The following ZNF131 variants were observed in gnomAD, a reference collection of about 807,000 sequenced individuals.
The protein encoded by ZNF131 is zinc finger protein 131.
Under a neutral mutation model 60.0 loss-of-function variants are expected in ZNF131, and 7 were observed. That is an observed-to-expected ratio of 0.12 (90% CI 0.07 to 0.22). The LOEUF is 0.22. Among genes scored for constraint, ZNF131 ranks in the 10% least tolerant of loss-of-function variants. The pLI is 1.00. For synonymous variants in ZNF131, 257 were observed against 253.2 expected (o/e 1.01, Z -0.14); for missense variants, 493 against 740.9 (o/e 0.67, Z 3.88).
intron 3 of ZNF131, among the ~76,000 whole-genome samples, chr5:43,125,809 A>G (rs1012164704): frequency 1.3e-5 from 2 of 151,986 alleles, no homozygotes; most frequent in African/African-American, 4.8e-5. Flanking sequence ...AAGTGGCCCA[A>G]GCTGGAATAT....
At position 43,149,398 on chromosome 5, in the gene ZNF131, AGTATTCCATT is replaced by A. The variant is rs545079961; in HGVS notation, c.371+10094_371+10103del. 8.1e-4 allele frequency among the ~76,000 whole-genome samples: 124 copies of A among 152,352 alleles called. 2 individuals carry two copies. In the East Asian group the frequency reaches 0.021, roughly 26 times the overall value. On this transcript the variant is annotated intron_variant, in intron 4 of 6. Coordinates refer to ENST00000682664, the MANE Select transcript of ZNF131 (RefSeq NM_001330707.2). ...AGTAGTTCATTCCTTTTTCCTGCTG[AGTATTCCATT>A]GTATGGATGTATCACCATTTGTTGA...
Position 43,161,623 on chromosome 5 carries a change from T to G in ZNF131, c.746T>G (p.Ile249Ser), listed in dbSNP as rs1749709154. 6.2e-7 allele frequency: 1 copy of G among 1,614,072 alleles called. No homozygotes were observed. The highest frequency in any genetic ancestry group is 1.3e-5 in the African/African-American group (1 of 74,938). Residue 249 changes from isoleucine to serine, a missense_variant, in exon 5 of 7, where the codon ATT becomes AGT. Around this residue, in one of 7 missense-constraint regions of ZNF131, gnomAD observed 138 missense variants for 158.7 expected, o/e 0.87. Coordinates refer to ENST00000682664, the MANE Select transcript of ZNF131 (RefSeq NM_001330707.2). ...AGCAAACAGGTAGAAGGTATTGAAATTGTGGAACTTCAGCTGTCACATGTG... is the reference window on the plus strand; with the variant it reads ...AGCAAACAGGTAGAAGGTATTGAAAGTGTGGAACTTCAGCTGTCACATGTG... ...PTSKQVEGIEIVELQLSHVKD... is the reference protein window; with the variant it reads ...PTSKQVEGIESVELQLSHVKD...
chr5:43,153,463 TAAAA>T (rs35596507), intron 4 of ZNF131, among the ~76,000 whole-genome samples: 44 of 61,160 alleles, frequency 7.2e-4, no homozygotes, highest in African/African-American at 3.0e-3. Context: ...CCATCTCTAC[TAAAA>T]AAAAAAAAAA....
At chr5:43,121,885 GCTCGCCTTTCTTCC>G (rs1169260674) in intron 1 of ZNF131, 140 bp from the exon 2 acceptor site, 14 of 826,308 alleles carry the variant, frequency 1.7e-5, no homozygotes, top group Non-Finnish European at 2.4e-5. Flanking sequence ...GGGCCGCTCG[GCTCGCCTTTCTTCC>G]CTCGCCTTTC....
At chr5:43,174,071 T>C (rs1203714989) in intron 6 of ZNF131, among the ~76,000 whole-genome samples, 1 of 151,988 alleles carries the variant, frequency 6.6e-6, no homozygotes, top group Non-Finnish European at 1.5e-5. Context: ...CTACTAAAAA[T>C]ACAAAAGTTA....
At chr5:43,160,431 T>A (rs921746129) in intron 4 of ZNF131, among the ~76,000 whole-genome samples, 11 of 146,396 alleles carry the variant, frequency 7.5e-5, no homozygotes, top group Non-Finnish European at 1.5e-4. Flanking sequence ...GCCCAAGAGG[T>A]TGAAGCCACA....
chr5:43,160,176 AAAAAAACAAAAC>A (rs1215969758), intron 4 of ZNF131, among the ~76,000 whole-genome samples: 20 of 130,812 alleles, frequency 1.5e-4, no homozygotes, highest in Non-Finnish European at 1.5e-4. Flanking sequence ...ACTCCATCTC[AAAAAAACAAAAC>A]AAAAAAAAAA....
intron 4 of ZNF131, chr5:43,143,436 C>T: frequency 7.0e-7 from 1 of 1,420,936 alleles, no homozygotes; most frequent in Non-Finnish European, 9.2e-7. Flanking sequence ...TCCACTGTTG[C>T]AAGTTTATCA....
intron 6 of ZNF131, 98 bp downstream of exon 6, chr5:43,173,546 G>C: frequency 7.1e-7 from 1 of 1,402,220 alleles, no homozygotes; most frequent in Non-Finnish European, 9.5e-7. Flanking sequence ...AAGGTATAGG[G>C]GCTGACGGTT....
At chr5:43,158,536 C>T (rs1017928313) in intron 4 of ZNF131, among the ~76,000 whole-genome samples, 30 of 151,450 alleles carry the variant, frequency 2.0e-4, no homozygotes, top group South Asian at 8.4e-4. Context: ...TTGATCCTCC[C>T]GCCTCAGCCT....
At chr5:43,140,549 A>G (rs2112264644) in intron 4 of ZNF131, among the ~76,000 whole-genome samples, 1 of 152,338 alleles carries the variant, frequency 6.6e-6, no homozygotes, top group South Asian at 2.1e-4. Flanking sequence ...ATGAACTATT[A>G]TCTCCTGGTA....
intron 4 of ZNF131, among the ~76,000 whole-genome samples, chr5:43,159,972 C>T (rs570791059): frequency 5.9e-5 from 9 of 152,082 alleles, no homozygotes; most frequent in South Asian, 2.1e-4. Flanking sequence ...GTCAGGAAAT[C>T]GAGACCATCC....
At chr5:43,163,117 C>G (rs897228724) in intron 5 of ZNF131, among the ~76,000 whole-genome samples, 4 of 151,154 alleles carry the variant, frequency 2.6e-5, no homozygotes, top group Non-Finnish European at 4.4e-5. Flanking sequence ...GGACTACAGG[C>G]GAGCACCACC....
In ZNF131 at chr5:43,175,498, C is replaced by G. The variant is rs1751481273; in HGVS notation, c.*365C>G. ...ATTTTTTCCATATTGTAAAATCAAA[C>G]TTAAATCATTAGAATACAAGTTTAT... On this transcript the variant is annotated 3_prime_UTR_variant, in exon 7 of 7. Transcript: ENST00000682664. 2.9e-6 allele frequency: 2 copies of G among 698,692 alleles called. No homozygotes were observed. Among genetic ancestry groups the G allele is most frequent in the Admixed American group, 4.1e-5 (2 of 48,998 alleles). 43.3% of individuals were successfully genotyped at this position (698,692 alleles called of 1,614,324 possible). A position where few individuals can be genotyped will look rare whatever the true frequency, so the allele number is the denominator to read the frequency against.
At chr5:43,147,375 G>A (rs1747731359) in intron 4 of ZNF131, among the ~76,000 whole-genome samples, 2 of 151,790 alleles carry the variant, frequency 1.3e-5, no homozygotes, top group Non-Finnish European at 2.9e-5. Flanking sequence ...TTGGAAAACA[G>A]TTTGGAAGTT....
chr5:43,167,476 C>G (rs1201142733), intron 5 of ZNF131, among the ~76,000 whole-genome samples: 2 of 152,170 alleles, frequency 1.3e-5, no homozygotes, highest in African/African-American at 2.4e-5. Flanking sequence ...AGACAGTCCT[C>G]TTCCTGTTTC....
At chr5:43,142,264 C>T (rs1411260847) in intron 4 of ZNF131, among the ~76,000 whole-genome samples, 1 of 145,090 alleles carries the variant, frequency 6.9e-6, no homozygotes, top group Non-Finnish European at 1.5e-5. Context: ...ATTGCTTGAA[C>T]CCGGGAGGCG....
At chr5:43,127,278 C>T (rs535733636) in intron 3 of ZNF131, among the ~76,000 whole-genome samples, 2 of 152,236 alleles carry the variant, frequency 1.3e-5, no homozygotes, top group Admixed American at 1.3e-4. Context: ...TATAAATGCC[C>T]AGGTTGTATC....
chr5:43,158,593 C>T (rs115356307), intron 4 of ZNF131, among the ~76,000 whole-genome samples: 1,740 of 152,202 alleles, frequency 0.011, 30 homozygotes, highest in African/African-American at 0.04. Context: ...CCCGGCCAGA[C>T]GTCATCTTAA....
Sources: gnomAD v4.1 joint callset for allele counts (sites outside exome capture counted in the v4.1 genomes callset) on GRCh38, gnomAD v4.1.1 for gene constraint, gnomAD v4.1.1 regional missense constraint, MANE v1.5 for transcripts, NCBI Gene and HGNC (gene_info 2026-07-23, HGNC 2026-07-21) for gene names.